ADCY2: variants seen among roughly 807,000 people sequenced by gnomAD.
ADCY2 encodes the protein adenylate cyclase 2, also known as adenylate cyclase type 2.
ADCY2 carries 31 observed loss-of-function variants against 125.2 expected under a neutral mutation model. The observed-to-expected ratio is 0.25, with a 90% CI of 0.19 to 0.33. The LOEUF (loss-of-function observed/expected upper bound fraction) is 0.33, where lower values mean the gene tolerates loss of function less well. Among genes scored for constraint, ADCY2 ranks in the 10% least tolerant of loss-of-function variants. ADCY2 has a pLI of 1.00. For synonymous variants in ADCY2, 512 were observed against 548.4 expected, an observed-to-expected ratio of 0.93 and a Z score of 0.93; for missense variants, 904 against 1,418.2, an observed-to-expected ratio of 0.64 and a Z score of 5.82.
At chr5:7,825,170 G>A (rs199543649) in intron 24 of ADCY2, among the ~76,000 whole-genome samples, 5 of 150,194 alleles carry the variant, frequency 3.3e-5, no homozygotes, top group African/African-American at 1.0e-4. Flanking sequence ...CCACGACAAC[G>A]CTGCTGTGCG....
At chr5:7,589,470 G>GAAAGAAAGAAAGAAAGAA (rs1736753714) in intron 3 of ADCY2, among the ~76,000 whole-genome samples, 1 of 44,306 alleles carries the variant, frequency 2.3e-5, no homozygotes, top group Non-Finnish European at 5.3e-5. Flanking sequence ...AAGAAAGAAA[G>GAAAGAAAGAAAGAAAGAA]AAAGAAAGAA....
At chr5:7,570,993 T>A (rs554561489) in intron 3 of ADCY2, among the ~76,000 whole-genome samples, 1 of 152,280 alleles carries the variant, frequency 6.6e-6, no homozygotes, top group Admixed American at 6.5e-5. Flanking sequence ...TAGGCTTTGC[T>A]GATATGTTAT....
chr5:7,674,562 TA>T (rs1043149537), intron 4 of ADCY2, among the ~76,000 whole-genome samples: 4 of 152,236 alleles, frequency 2.6e-5, no homozygotes, highest in Non-Finnish European at 5.9e-5. Flanking sequence ...ATTCATTTTT[TA>T]AAACACTTTC....
At chr5:7,507,094 G>A (rs948001799) in intron 2 of ADCY2, among the ~76,000 whole-genome samples, 2 of 151,282 alleles carry the variant, frequency 1.3e-5, no homozygotes, top group Non-Finnish European at 2.9e-5. Flanking sequence ...CTTCACACGC[G>A]GGAGGGCTTG....
At chr5:7,473,493 A>G (rs1436959124) in intron 2 of ADCY2, among the ~76,000 whole-genome samples, 3 of 151,958 alleles carry the variant, frequency 2.0e-5, no homozygotes, top group Non-Finnish European at 4.4e-5. Flanking sequence ...CCATGACCCA[A>G]ACACCTCCCA....
At chr5:7,706,054 A>G (rs907880323) in intron 7 of ADCY2, among the ~76,000 whole-genome samples, 7 of 152,204 alleles carry the variant, frequency 4.6e-5, no homozygotes, top group Admixed American at 4.6e-4. Flanking sequence ...CTTCCTGTAT[A>G]CTTGTTTTGC....
intron 2 of ADCY2, among the ~76,000 whole-genome samples, chr5:7,429,964 G>A (rs1740528625): frequency 6.6e-6 from 1 of 152,012 alleles, no homozygotes; most frequent in South Asian, 2.1e-4. Context: ...TGAAACTCTA[G>A]CAAGACTGAT....
intron 1 of ADCY2, among the ~76,000 whole-genome samples, chr5:7,406,272 C>T (rs560281776): frequency 1.3e-5 from 2 of 152,298 alleles, no homozygotes; most frequent in African/African-American, 4.8e-5. Flanking sequence ...AAGGGAAGGG[C>T]ACTCTTTTGT....
At chr5:7,611,162 C>G (rs560665279) in intron 3 of ADCY2, 45 of 152,304 alleles carry the variant, frequency 3.0e-4, no homozygotes, top group African/African-American at 9.9e-4. Context: ...AGGACACTCT[C>G]TCTCCTTTAA....
intron 2 of ADCY2, among the ~76,000 whole-genome samples, chr5:7,472,418 C>T (rs536983686): frequency 6.6e-6 from 1 of 151,962 alleles, no homozygotes; most frequent in African/African-American, 2.4e-5. Flanking sequence ...TAGATTTTGC[C>T]TACCTTTTCC....
At chr5:7,507,115 G>A (rs963214429) in intron 2 of ADCY2, among the ~76,000 whole-genome samples, 1 of 151,510 alleles carries the variant, frequency 6.6e-6, no homozygotes, top group Admixed American at 6.6e-5. Context: ...TGTTCTTCCA[G>A]TGCACATCGA....
intron 2 of ADCY2, among the ~76,000 whole-genome samples, chr5:7,504,330 G>T (rs1743716602): frequency 6.6e-6 from 1 of 152,050 alleles, no homozygotes; most frequent in African/African-American, 2.4e-5. Flanking sequence ...ACAGAATCTA[G>T]AACACAATAT....
chr5:7,415,121 GT>G (rs1203178443), intron 2 of ADCY2, among the ~76,000 whole-genome samples: 1 of 152,112 alleles, frequency 6.6e-6, no homozygotes, highest in Non-Finnish European at 1.5e-5. Context: ...CACTTCCATA[GT>G]TTTTTGGTGA....
intron 4 of ADCY2, among the ~76,000 whole-genome samples, chr5:7,652,718 A>T (rs970928478): frequency 6.6e-6 from 1 of 152,196 alleles, no homozygotes; most frequent in Non-Finnish European, 1.5e-5. Context: ...TCTGACACTG[A>T]TTCTACTTGA....
intron 4 of ADCY2, among the ~76,000 whole-genome samples, chr5:7,674,234 G>A (rs1237274699): frequency 1.3e-5 from 2 of 152,180 alleles, no homozygotes; most frequent in African/African-American, 4.8e-5. Flanking sequence ...GTATTTCCAG[G>A]CTCCTGGCCT....
At chr5:7,701,308 CT>C (rs1240238191) in intron 7 of ADCY2, among the ~76,000 whole-genome samples, 1 of 152,126 alleles carries the variant, frequency 6.6e-6, no homozygotes, top group Non-Finnish European at 1.5e-5. Flanking sequence ...CTTGTTTCTG[CT>C]TTTGAATGAA....
At chr5:7,500,123 C>G (rs1354447571) in intron 2 of ADCY2, among the ~76,000 whole-genome samples, 3 of 152,140 alleles carry the variant, frequency 2.0e-5, no homozygotes, top group African/African-American at 7.2e-5. Context: ...CACAGCTGAT[C>G]TTGGATGTTT....
intron 2 of ADCY2, among the ~76,000 whole-genome samples, chr5:7,482,773 T>TATATATATATATAC (rs1742781687): frequency 6.9e-6 from 1 of 144,968 alleles, no homozygotes; most frequent in Admixed American, 6.9e-5. Flanking sequence ...ATGTGATATA[T>TATATATATATATAC]ATATATATAT....
intron 2 of ADCY2, among the ~76,000 whole-genome samples, chr5:7,482,978 G>A (rs1319443120): frequency 1.3e-5 from 2 of 151,858 alleles, no homozygotes; most frequent in African/African-American, 4.8e-5. Flanking sequence ...ATCTCATGGA[G>A]TAGAGTGTGG....
Sources: gnomAD v4.1 joint callset for allele counts (sites outside exome capture counted in the v4.1 genomes callset) on GRCh38, gnomAD v4.1.1 for gene constraint, MANE v1.5 for transcripts, NCBI Gene and HGNC (gene_info 2026-07-23, HGNC 2026-07-21) for gene names.